BBS9: variants seen among roughly 807,000 people sequenced by gnomAD.
The protein encoded by BBS9 is protein PTHB1.
Under a neutral mutation model 117.7 loss-of-function variants are expected in BBS9, and 89 were observed. The ratio of observed to expected loss-of-function variants is 0.76; its 90% CI spans 0.64 to 0.90. The LOEUF (loss-of-function observed/expected upper bound fraction) is 0.90, where lower values mean the gene tolerates loss of function less well. BBS9 is among the 40% of genes least tolerant of loss of function. The pLI is 0.00. For missense variants in BBS9, 982 were observed against 1,042.2 expected, an observed-to-expected ratio of 0.94 and a Z score of 0.80; for synonymous variants, 379 against 370.9, an observed-to-expected ratio of 1.02 and a Z score of -0.25.
intron 19 of BBS9, among the ~76,000 whole-genome samples, chr7:33,412,390 G>T (rs13239022): frequency 6.6e-6 from 1 of 152,072 alleles, no homozygotes; most frequent in African/African-American, 2.4e-5. Flanking sequence ...GAGCTCTCTG[G>T]TCCTGTCCCA....
chr7:33,442,393 AGTT>A (rs1350520472), intron 19 of BBS9, among the ~76,000 whole-genome samples: 2 of 152,204 alleles, frequency 1.3e-5, no homozygotes, highest in Non-Finnish European at 2.9e-5. Flanking sequence ...GTGGTGTGTA[AGTT>A]GTTTGTAGAA....
intron 10 of BBS9, among the ~76,000 whole-genome samples, 168 bp from the exon 11 acceptor site, chr7:33,340,729 G>T (rs1433756671): frequency 6.6e-6 from 1 of 152,038 alleles, no homozygotes; most frequent in South Asian, 2.1e-4. Flanking sequence ...ATTATAGAGG[G>T]AAAGAATTAG....
chr7:33,462,284 C>T (rs1160018972), intron 19 of BBS9, among the ~76,000 whole-genome samples: 2 of 152,010 alleles, frequency 1.3e-5, no homozygotes, highest in Non-Finnish European at 2.9e-5. Context: ...GATATATTTA[C>T]ATTTGAAGTT....
intron 21 of BBS9, among the ~76,000 whole-genome samples, chr7:33,546,973 A>G (rs1322759227): frequency 1.3e-5 from 2 of 152,204 alleles, no homozygotes; most frequent in Non-Finnish European, 2.9e-5. Flanking sequence ...TGTGCCGCAC[A>G]TGCAGACACA....
intron 19 of BBS9, among the ~76,000 whole-genome samples, chr7:33,450,132 T>C (rs1341196453): frequency 6.6e-6 from 1 of 152,198 alleles, no homozygotes; most frequent in Non-Finnish European, 1.5e-5. Context: ...TGGAATCATG[T>C]CTTTTTGTGA....
chr7:33,173,619 A>G (rs2128153606), intron 4 of BBS9, among the ~76,000 whole-genome samples: 1 of 152,220 alleles, frequency 6.6e-6, no homozygotes, highest in Middle Eastern at 3.4e-3. Context: ...TCCACAGGTC[A>G]ATAGCCATCC....
intron 21 of BBS9, among the ~76,000 whole-genome samples, chr7:33,601,252 C>T (rs986423166): frequency 6.6e-6 from 1 of 152,038 alleles, no homozygotes; most frequent in Non-Finnish European, 1.5e-5. Context: ...GATTTCCAGG[C>T]CAGAAGCCTG....
At chr7:33,479,554 A>G (rs913523848) in intron 19 of BBS9, among the ~76,000 whole-genome samples, 1 of 152,170 alleles carries the variant, frequency 6.6e-6, no homozygotes, top group African/African-American at 2.4e-5. Context: ...GCTATTGTGA[A>G]TAGCATTGCA....
intron 19 of BBS9, 56 bp downstream of exon 19, chr7:33,388,200 C>T: frequency 6.3e-7 from 1 of 1,577,134 alleles, no homozygotes; most frequent in Non-Finnish European, 8.7e-7. Flanking sequence ...TTTTTGTCAC[C>T]CTAGAGTCAT....
intron 21 of BBS9, among the ~76,000 whole-genome samples, chr7:33,541,462 T>A (rs997905904): frequency 6.6e-6 from 1 of 152,226 alleles, no homozygotes; most frequent in Admixed American, 6.5e-5. Flanking sequence ...TTCATCTCTG[T>A]GTTAATATTC....
At chr7:33,299,161 T>C (rs1256792131) in intron 9 of BBS9, among the ~76,000 whole-genome samples, 1 of 152,226 alleles carries the variant, frequency 6.6e-6, no homozygotes, top group East Asian at 1.9e-4. Flanking sequence ...GTATTTGGTC[T>C]TTTTATTCAC....
At chr7:33,293,005 C>CAAA (rs113240543) in intron 9 of BBS9, among the ~76,000 whole-genome samples, 6 of 109,780 alleles carry the variant, frequency 5.5e-5, no homozygotes, top group Non-Finnish European at 7.6e-5. Context: ...GACTCCGTCT[C>CAAA]AAAAAAAAAA....
intron 19 of BBS9, among the ~76,000 whole-genome samples, chr7:33,425,365 T>G (rs1211221964): frequency 6.6e-6 from 1 of 152,218 alleles, no homozygotes; most frequent in Non-Finnish European, 1.5e-5. Flanking sequence ...TAATTTTAAG[T>G]TCCAGGGTAC....
chr7:33,478,546 A>T (rs899386962), intron 19 of BBS9, among the ~76,000 whole-genome samples: 1 of 152,190 alleles, frequency 6.6e-6, no homozygotes, highest in Non-Finnish European at 1.5e-5. Context: ...TCAAATATTC[A>T]TCTAGATAAA....
chr7:33,195,003 C>A (rs1784716639), intron 5 of BBS9, among the ~76,000 whole-genome samples: 1 of 152,194 alleles, frequency 6.6e-6, no homozygotes, highest in Non-Finnish European at 1.5e-5. Context: ...GCATAGCTAT[C>A]TGATTTGAAC....
chr7:33,332,393 C>T (rs1814272493), intron 9 of BBS9, among the ~76,000 whole-genome samples: 1 of 151,924 alleles, frequency 6.6e-6, no homozygotes. Context: ...CAATTAAAAA[C>T]AAGAGGCCAG....
chr7:33,345,650 G>C (rs3884597), intron 12 of BBS9, among the ~76,000 whole-genome samples: 23 of 151,906 alleles, frequency 1.5e-4, no homozygotes, highest in Non-Finnish European at 3.1e-4. Flanking sequence ...CCAATCAAAG[G>C]CTCTATCTCA....
chr7:33,623,446 A>G (rs2598376), intron 21 of BBS9, among the ~76,000 whole-genome samples: 62,176 of 152,076 alleles, frequency 0.41, 17,974 homozygotes, highest in African/African-American at 0.82. Flanking sequence ...GCTCAGCTCA[A>G]CTGTTTTGGC....
At chr7:33,315,690 G>C (rs1312225195) in intron 9 of BBS9, among the ~76,000 whole-genome samples, 4 of 152,166 alleles carry the variant, frequency 2.6e-5, no homozygotes, top group African/African-American at 9.7e-5. Flanking sequence ...ATGTTAGGCA[G>C]TCCTAGGTCA....
Sources: allele counts gnomAD v4.1 joint callset (sites outside exome capture counted in the v4.1 genomes callset), GRCh38; gene constraint gnomAD v4.1.1; transcripts MANE v1.5; gene names NCBI Gene and HGNC (gene_info 2026-07-23, HGNC 2026-07-21).